CABCOCO1: variants seen among roughly 807,000 people sequenced by gnomAD.
CABCOCO1 encodes ciliary-associated calcium-binding coiled-coil protein 1.
In CABCOCO1, 28 loss-of-function variants were observed where a neutral mutation model predicts 35.7. The observed-to-expected ratio is 0.78, with a 90% confidence interval of 0.58 to 1.07. The LOEUF (loss-of-function observed/expected upper bound fraction) is 1.07. CABCOCO1 is among the 50% of genes least tolerant of loss of function. The pLI is 0.00. For synonymous variants in CABCOCO1, 95 were observed against 100.1 expected (o/e 0.95, Z 0.30); for missense variants, 326 against 309.2 (o/e 1.05, Z -0.41).
intron 5 of CABCOCO1, among the ~76,000 whole-genome samples, chr10:61,711,931 T>A (rs1329363108): frequency 6.6e-6 from 1 of 152,036 alleles, no homozygotes; most frequent in Non-Finnish European, 1.5e-5. Flanking sequence ...CCAAAATTTG[T>A]GCTATTGTGA....
At chr10:61,704,394 G>C (rs1840544637) in intron 5 of CABCOCO1, among the ~76,000 whole-genome samples, 1 of 152,188 alleles carries the variant, frequency 6.6e-6, no homozygotes, top group Non-Finnish European at 1.5e-5. Flanking sequence ...TTCCATCTCA[G>C]TTCCTCTCTT....
intron 5 of CABCOCO1, among the ~76,000 whole-genome samples, chr10:61,711,769 C>A (rs1481422878): frequency 6.6e-6 from 1 of 151,936 alleles, no homozygotes; most frequent in Non-Finnish European, 1.5e-5. Flanking sequence ...AGTATGCTTT[C>A]TGATCAAAAT....
At chr10:61,700,831 A>G (rs1410490803) in intron 5 of CABCOCO1, among the ~76,000 whole-genome samples, 2 of 152,092 alleles carry the variant, frequency 1.3e-5, no homozygotes, top group Admixed American at 1.3e-4. Flanking sequence ...CTTACGATGG[A>G]AAGTTATTCA....
At chr10:61,763,727 C>T (rs937923744) in intron 7 of CABCOCO1, among the ~76,000 whole-genome samples, 3 of 151,252 alleles carry the variant, frequency 2.0e-5, no homozygotes, top group Non-Finnish European at 4.4e-5. Context: ...GTTAGAAAAG[C>T]TGAGCATGAA....
chr10:61,677,479 A>G (rs1839550050), intron 2 of CABCOCO1, among the ~76,000 whole-genome samples: 1 of 152,008 alleles, frequency 6.6e-6, no homozygotes, highest in Non-Finnish European at 1.5e-5. Context: ...TCTTTACCGA[A>G]TACTAATCCT....
intron 1 of CABCOCO1, among the ~76,000 whole-genome samples, chr10:61,669,020 G>GGAAAAAAAAAAAAAAA (rs1455258314): frequency 9.8e-6 from 1 of 102,480 alleles, no homozygotes; most frequent in Admixed American, 1.3e-4. Flanking sequence ...AAGGGTTGGG[G>GGAAAAAAAAAAAAAAA]AAAAAAAAAA....
chr10:61,743,700 T>C (rs1165604930), intron 5 of CABCOCO1, among the ~76,000 whole-genome samples: 3 of 152,190 alleles, frequency 2.0e-5, no homozygotes, highest in African/African-American at 7.2e-5. Context: ...GTTCTCCGTA[T>C]GTATCTGTTC....
Position 61,711,218 on chromosome 10 carries a change from G to A in CABCOCO1, c.552+20597G>A, listed in dbSNP as rs577801648. ...GAAAAAAGGTAAAGATGATCAGATT[G>A]CCAACTATTTCACCCACTATATAAT... On this transcript the variant is annotated intron_variant, in intron 5 of 7. Coordinates refer to ENST00000648843, the MANE Select transcript of CABCOCO1 (RefSeq NM_001366906.2). 3.3e-5 allele frequency among the ~76,000 whole-genome samples: 5 copies of A among 152,034 alleles called. No homozygotes were observed. The East Asian group carries it at 9.7e-4, about 29-fold the overall frequency.
chr10:61,679,043 T>A (rs1400584763), intron 2 of CABCOCO1, among the ~76,000 whole-genome samples: 1 of 152,176 alleles, frequency 6.6e-6, no homozygotes, highest in Non-Finnish European at 1.5e-5. Flanking sequence ...ATGTTAAGAA[T>A]AATAAGGACT....
chr10:61,761,790 A>G (rs1021274653), intron 7 of CABCOCO1, among the ~76,000 whole-genome samples: 5 of 152,142 alleles, frequency 3.3e-5, no homozygotes, highest in Non-Finnish European at 7.4e-5. Flanking sequence ...GAGACCATAT[A>G]TTAAAAGCCC....
chr10:61,731,633 A>C (rs1841304092), intron 5 of CABCOCO1, among the ~76,000 whole-genome samples: 1 of 151,792 alleles, frequency 6.6e-6, no homozygotes, highest in African/African-American at 2.4e-5. Flanking sequence ...ATTAGTGCTT[A>C]ATGGAGCATT....
At chr10:61,757,914 A>G (rs1841932318) in intron 5 of CABCOCO1, among the ~76,000 whole-genome samples, 1 of 152,058 alleles carries the variant, frequency 6.6e-6, no homozygotes, top group African/African-American at 2.4e-5. Context: ...ATCTGCTACT[A>G]CCAGGCTAGA....
Position 61,662,952 on chromosome 10 carries a change from C to G in CABCOCO1, c.-21C>G. ...TTGCCTAGGTGACGAGGGGCCGCTT[C>G]TCTCGGCCGAGATTGCGGCGATGTC... is the stretch of plus-strand genomic sequence containing the variant. On this transcript the variant is annotated 5_prime_UTR_variant, in exon 1 of 8. Transcript: ENST00000648843. 2.5e-6 allele frequency: 1 copy of G among 393,438 alleles called. No individual in the cohort carries two copies. Among genetic ancestry groups the G allele is most frequent in the Non-Finnish European group, 5.3e-6 (1 of 187,928 alleles). The allele number at this position is 393,438 out of a possible 1,614,324, so 24.4% of individuals were successfully genotyped here. A position where few individuals can be genotyped will look rare whatever the true frequency, so the allele number is the denominator to read the frequency against.
At chr10:61,669,020 G>GAAAATAAAAAAAAAAAA (rs1839275663) in intron 1 of CABCOCO1, among the ~76,000 whole-genome samples, 1 of 102,480 alleles carries the variant, frequency 9.8e-6, no homozygotes, top group Non-Finnish European at 2.1e-5. Flanking sequence ...AAGGGTTGGG[G>GAAAATAAAAAAAAAAAA]AAAAAAAAAA....
At chr10:61,663,130 G>T (rs1219288326) in intron 1 of CABCOCO1, 98 bp downstream of exon 1, 1 of 205,932 alleles carries the variant, frequency 4.9e-6, no homozygotes, top group Non-Finnish European at 1.1e-5. Flanking sequence ...GCCAAATCCG[G>T]TCTCCGAAGA....
intron 1 of CABCOCO1, among the ~76,000 whole-genome samples, chr10:61,668,093 T>C (rs1272261772): frequency 6.6e-6 from 1 of 151,916 alleles, no homozygotes; most frequent in Non-Finnish European, 1.5e-5. Context: ...CTGTTTATTA[T>C]ATATTTAAAT....
At position 61,727,053 on chromosome 10, in the gene CABCOCO1, C is replaced by A. The variant is rs142887911; in HGVS notation, c.553-33006C>A. On this transcript the variant is annotated intron_variant, in intron 5 of 7. Transcript: ENST00000648843. ...CTCCAGCCTGGGCAACACAGTGAGACCCTGCCACATACACAAAAAAAATGT... is the reference window on the plus strand; with the variant it reads ...CTCCAGCCTGGGCAACACAGTGAGAACCTGCCACATACACAAAAAAAATGT... 2.0e-3 allele frequency among the ~76,000 whole-genome samples: 300 copies of A among 150,978 alleles called. 3 individuals are homozygous for A. The highest frequency in any genetic ancestry group is 7.0e-3 in the African/African-American group (284 of 40,722).
chr10:61,759,945 T>A, intron 5 of CABCOCO1, 114 bp from the exon 6 acceptor site: 2 of 1,317,366 alleles, frequency 1.5e-6, no homozygotes, highest in Non-Finnish European at 1.0e-6. Context: ...TCAAAGGAGG[T>A]GGCACTTGAA....
chr10:61,701,155 T>C (rs1242650965), intron 5 of CABCOCO1, among the ~76,000 whole-genome samples: 1 of 152,138 alleles, frequency 6.6e-6, no homozygotes, highest in African/African-American at 2.4e-5. Flanking sequence ...AATTATGTTT[T>C]GCAATCAGCA....
Sources: allele counts gnomAD v4.1 joint callset (sites outside exome capture counted in the v4.1 genomes callset), GRCh38; gene constraint gnomAD v4.1.1; transcripts MANE v1.5; gene names NCBI Gene and HGNC (gene_info 2026-07-23, HGNC 2026-07-21).